Variants in WAPL observed in about 807,000 individuals in gnomAD.
WAPL encodes WAPL cohesin release factor, also known as wings apart-like protein homolog.
A neutral mutation model predicts 121.0 loss-of-function variants in WAPL; 5 were observed. The observed-to-expected ratio is 0.04, with a 90% confidence interval of 0.02 to 0.09. The LOEUF (loss-of-function observed/expected upper bound fraction) is 0.09, where lower values mean the gene tolerates loss of function less well. Ranked by LOEUF, WAPL falls within the 10% of genes least tolerant of loss-of-function variation. The pLI, the probability that WAPL is intolerant of heterozygous loss-of-function variation, is 1.00. For synonymous variants in WAPL, 480 were observed against 481.5 expected (o/e 1.00, Z 0.04); for missense variants, 999 against 1,410.8 (o/e 0.71, Z 4.68).
At chr10:86,484,138 C>T (rs1403785453) in intron 4 of WAPL, among the ~76,000 whole-genome samples, 1 of 152,080 alleles carries the variant, frequency 6.6e-6, no homozygotes, top group Non-Finnish European at 1.5e-5. Context: ...TTGTTTTAAG[C>T]TATGTGTTAT....
Position 86,500,557 on chromosome 10 carries a change from T to C in WAPL, c.686A>G (p.Lys229Arg). The C allele has an allele frequency of 1.2e-6, 2 of 1,614,150 alleles. No individual in the cohort carries two copies. Among genetic ancestry groups the C allele is most frequent in the Non-Finnish European group, 1.7e-6 (2 of 1,180,018 alleles). Residue 229 changes from lysine (K) to arginine (R), a missense_variant, in exon 3 of 19, where the codon AAG becomes AGG. By Grantham distance (26) the Lys-to-Arg change is conservative (BLOSUM62 2). Coordinates refer to ENST00000298767, the MANE Select transcript of WAPL (RefSeq NM_015045.5). Reference sequence around the variant, plus strand: ...AAACAAACCAGTTCTAACAGATCCCTTGATTGGAGATATTTCTGATGGTGA... The same window carrying C: ...AAACAAACCAGTTCTAACAGATCCCCTGATTGGAGATATTTCTGATGGTGA... ...PESPSEISPIKGSVRTGLFEW... is the reference protein window; with the variant it reads ...PESPSEISPIRGSVRTGLFEW...
At chr10:86,459,114 C>T in intron 11 of WAPL, 49 bp from the exon 12 acceptor site, 1 of 1,451,122 alleles carries the variant, frequency 6.9e-7, no homozygotes, top group Non-Finnish European at 9.5e-7. Flanking sequence ...AACTTTCATT[C>T]ATTCATGTAA....
chr10:86,471,119 G>A lies in WAPL; in HGVS notation c.2031-16C>T. ...GCTAATAACACTACAAGAAAATAGA[G>A]CAGGTTAGGGGGGCTGGAAACAGCT... On this transcript the variant is annotated splice_polypyrimidine_tract_variant and intron_variant, in intron 7 of 18. Transcript: ENST00000298767. 1 of 1,607,734 alleles carries A rather than the reference G, an allele frequency of 6.2e-7. No individual in the cohort carries two copies. Among genetic ancestry groups the A allele is most frequent in the Non-Finnish European group, 8.5e-7 (1 of 1,174,986 alleles).
chr10:86,517,585 T>A lies in WAPL; in HGVS notation c.485A>T (p.Lys162Ile). Residue 162 changes from lysine (K) to isoleucine (I), a missense_variant, in exon 2 of 19, where the codon AAA becomes ATA. Around this residue, in one of 7 missense-constraint regions of WAPL, gnomAD observed 531 missense variants for 563.1 expected, o/e 0.94. Coordinates refer to ENST00000298767, the MANE Select transcript of WAPL (RefSeq NM_015045.5). ...TCAAAACTTACCTGAAGTTATTAAT[T>A]TATTACAGCTACTTATGCTTGCATC... is the stretch of plus-strand genomic sequence containing the variant. ...EDDASISSCNKLITSDKVENF... is the reference protein window; with the variant it reads ...EDDASISSCNILITSDKVENF... 6.2e-7 allele frequency: 1 copy of A among 1,606,824 alleles called. No homozygotes were observed. The highest frequency in any genetic ancestry group is 8.5e-7 in the Non-Finnish European group (1 of 1,175,520).
At position 86,435,494 on chromosome 10, in the gene WAPL, A is replaced by C. The variant is rs1460624648; in HGVS notation, c.*2049T>G. On this transcript the variant is annotated 3_prime_UTR_variant, in exon 19 of 19. Transcript: ENST00000298767. ...ACAATGGAAAAAAGGTTACTTTAAA[A>C]CTTTTAGTTAAGTCAGCCTCAAGTA... 1 of 152,614 alleles carries C rather than the reference A, an allele frequency of 6.6e-6. No homozygotes were observed. Among genetic ancestry groups the C allele is most frequent in the Non-Finnish European group, 1.5e-5 (1 of 68,034 alleles). The allele number at this position is 152,614 out of a possible 1,614,324, so 9.5% of individuals were successfully genotyped here.
intron 4 of WAPL, among the ~76,000 whole-genome samples, chr10:86,492,024 C>T (rs1842057941): frequency 6.6e-6 from 1 of 152,322 alleles, no homozygotes; most frequent in South Asian, 2.1e-4. Flanking sequence ...CTATTTCCTC[C>T]CCCTCCTCAT....
At chr10:86,443,154 A>G (rs1849515016) in intron 17 of WAPL, 121 bp downstream of exon 17, 3 of 677,506 alleles carry the variant, frequency 4.4e-6, no homozygotes, top group East Asian at 2.8e-5. Context: ...CCTTTGTGGA[A>G]TAAGTTGGAC....
At chr10:86,497,059 T>C (rs1235557743) in intron 4 of WAPL, 142 bp downstream of exon 4, 1 of 648,140 alleles carries the variant, frequency 1.5e-6, no homozygotes, top group South Asian at 2.1e-5. Context: ...TAAAAAATGG[T>C]TATATCTGAA....
intron 17 of WAPL, among the ~76,000 whole-genome samples, chr10:86,440,348 T>C (rs1048387177): frequency 6.6e-6 from 1 of 151,898 alleles, no homozygotes; most frequent in Non-Finnish European, 1.5e-5. Flanking sequence ...AATGCAGTGG[T>C]GCGATCTCCA....
intron 1 of WAPL, among the ~76,000 whole-genome samples, chr10:86,518,629 A>AC (rs1489481591): frequency 6.6e-6 from 1 of 152,178 alleles, no homozygotes; most frequent in Non-Finnish European, 1.5e-5. Context: ...AACCGCTTGA[A>AC]CTCAGGAGAT....
intron 9 of WAPL, chr10:86,467,059 G>A (rs1589509154): frequency 2.0e-6 from 1 of 490,752 alleles, no homozygotes; most frequent in Non-Finnish European, 3.6e-6. Flanking sequence ...CAGAAAATGT[G>A]CAACTATTTA....
At chr10:86,517,035 C>T (rs1156399947) in intron 2 of WAPL, among the ~76,000 whole-genome samples, 3 of 151,858 alleles carry the variant, frequency 2.0e-5, no homozygotes, top group Non-Finnish European at 2.9e-5. Context: ...TGGGCGACAG[C>T]GAGACTCCTT....
chr10:86,470,502 G>GT (rs1841512509), intron 8 of WAPL, among the ~76,000 whole-genome samples: 1 of 152,058 alleles, frequency 6.6e-6, no homozygotes, highest in Non-Finnish European at 1.5e-5. Context: ...CTTTTGTTAT[G>GT]TTTATCATTA....
At chr10:86,500,770 A>C (rs1842233491) in intron 2 of WAPL, 27 bp from the exon 3 acceptor site, 1 of 1,507,598 alleles carries the variant, frequency 6.6e-7, no homozygotes, top group Non-Finnish European at 8.9e-7. Flanking sequence ...AAGGATAAAA[A>C]CATGAGTGGT....
Position 86,437,450 on chromosome 10 carries a change from G to T in WAPL, c.*93C>A. ...ACGAATGATACTGATGAATGTTCTT[G>T]GTATATCTTCAAGGACTTCTTTCAT... On this transcript the variant is annotated 3_prime_UTR_variant, in exon 19 of 19. Coordinates refer to ENST00000298767, the MANE Select transcript of WAPL (RefSeq NM_015045.5). The T allele has an allele frequency of 1.5e-6, 2 of 1,302,740 alleles. No homozygotes were observed. Among genetic ancestry groups the T allele is most frequent in the Non-Finnish European group, 2.1e-6 (2 of 938,026 alleles). The allele number at this position is 1,302,740 out of a possible 1,614,324, so 80.7% of individuals were successfully genotyped here.
At chr10:86,520,384 C>G (rs1842651497) in intron 1 of WAPL, among the ~76,000 whole-genome samples, 1 of 152,166 alleles carries the variant, frequency 6.6e-6, no homozygotes, top group Admixed American at 6.5e-5. Flanking sequence ...GAAATAACGT[C>G]AGCGATTTTC....
intron 2 of WAPL, among the ~76,000 whole-genome samples, chr10:86,508,387 T>G (rs562966770): frequency 3.2e-4 from 48 of 152,318 alleles, no homozygotes; most frequent in African/African-American, 1.1e-3. Flanking sequence ...GCACCCCTTC[T>G]TCCAAAACGG....
At chr10:86,440,882 G>GGAAAAA (rs1554825372) in intron 17 of WAPL, among the ~76,000 whole-genome samples, 1 of 130,530 alleles carries the variant, frequency 7.7e-6, no homozygotes. Flanking sequence ...TACACAAAGT[G>GGAAAAA]AAAAAAAAAA....
At chr10:86,486,278 A>C (rs1235796939) in intron 4 of WAPL, among the ~76,000 whole-genome samples, 2 of 152,236 alleles carry the variant, frequency 1.3e-5, no homozygotes, top group Non-Finnish European at 2.9e-5. Flanking sequence ...TAACTGCTAA[A>C]GGAAGACACT....
Sources: gnomAD v4.1 joint callset for allele counts (sites outside exome capture counted in the v4.1 genomes callset) on GRCh38, gnomAD v4.1.1 for gene constraint, gnomAD v4.1.1 regional missense constraint, MANE v1.5 for transcripts, NCBI Gene and HGNC (gene_info 2026-07-23, HGNC 2026-07-21) for gene names.